BDP1: variants seen among roughly 807,000 people sequenced by gnomAD.
BDP1 encodes the protein BDP1 general transcription factor IIIB subunit.
Under a neutral mutation model 266.6 loss-of-function variants are expected in BDP1, and 169 were observed. That is an observed-to-expected ratio of 0.63 (90% CI 0.56 to 0.72). The LOEUF (loss-of-function observed/expected upper bound fraction) is 0.72. BDP1 is among the 30% of genes least tolerant of loss of function. BDP1 has a pLI of 0.00. For synonymous variants in BDP1, 1,090 were observed against 1,022.4 expected (o/e 1.07, Z -1.26); for missense variants, 3,015 against 3,053.8 (o/e 0.99, Z 0.30).
At chr5:71,508,353 G>C (rs1229301088) in intron 16 of BDP1, among the ~76,000 whole-genome samples, 2 of 152,114 alleles carry the variant, frequency 1.3e-5, no homozygotes, top group African/African-American at 4.8e-5. Flanking sequence ...GCCCAATCTG[G>C]AGTGCAGTGG....
chr5:71,461,928 T>G lies in BDP1; in HGVS notation c.599+2T>G. On this transcript the variant is annotated splice_donor_variant, in intron 3 of 38. Coordinates refer to ENST00000358731, the MANE Select transcript of BDP1 (RefSeq NM_018429.3). LOFTEE classifies it high-confidence loss of function. ...TCTACCAGATAATAATCCAATGACGTAAGTAAAATTTATTTCTGCTTTACT... is the reference window on the plus strand; with the variant it reads ...TCTACCAGATAATAATCCAATGACGGAAGTAAAATTTATTTCTGCTTTACT... The G allele has an allele frequency of 7.6e-7, 1 of 1,318,790 alleles. No homozygotes were observed. Among genetic ancestry groups the G allele is most frequent in the Non-Finnish European group, 1.1e-6 (1 of 928,716 alleles). 81.7% of individuals were successfully genotyped at this position (1,318,790 alleles called of 1,614,324 possible).
At chr5:71,537,176 C>T (rs529398244) in intron 26 of BDP1, among the ~76,000 whole-genome samples, 6 of 118,248 alleles carry the variant, frequency 5.1e-5, no homozygotes, top group Non-Finnish European at 7.4e-5. Context: ...AAAAAAAGAA[C>T]CAGAACCAAA....
At chr5:71,459,835 A>G (rs1015626952) in intron 2 of BDP1, among the ~76,000 whole-genome samples, 2 of 152,344 alleles carry the variant, frequency 1.3e-5, no homozygotes, top group East Asian at 1.9e-4. Flanking sequence ...AAAATGCTCC[A>G]AAGTCTAAAA....
intron 3 of BDP1, 30 bp downstream of exon 3, chr5:71,461,956 CTCTTTTTT>C: frequency 1.4e-6 from 1 of 725,328 alleles, no homozygotes; most frequent in Non-Finnish European, 2.3e-6. Context: ...GCTTTACTAT[CTCTTTTTT>C]TTTTTTTTTT....
intron 22 of BDP1, among the ~76,000 whole-genome samples, chr5:71,521,572 G>T (rs572723994): frequency 6.6e-6 from 1 of 152,220 alleles, no homozygotes; most frequent in East Asian, 1.9e-4. Context: ...GATTACAGGC[G>T]TGAGCCACCG....
At position 71,560,109 on chromosome 5, in the gene BDP1, G is replaced by A. The variant is rs772874190; in HGVS notation, c.7368G>A (p.Met2456Ile). ...GATCTAGATCTCCTGATGCATGCATGGACAAGAATGTGCCTCAGTTACCTC... is the reference window on the plus strand; with the variant it reads ...GATCTAGATCTCCTGATGCATGCATAGACAAGAATGTGCCTCAGTTACCTC... ...SRGSRSPDAC[M>I]DKNVPQLPQD... The change falls in exon 37 of 39, where the codon ATG becomes ATA. Residue 2456 changes from methionine to isoleucine, a missense_variant. Physicochemically the swap from Met to Ile is conservative, Grantham distance 10 (BLOSUM62 1). Transcript: ENST00000358731. 8.7e-5 allele frequency: 141 copies of A among 1,613,972 alleles called. No homozygotes were observed. Among genetic ancestry groups the A allele is most frequent in the Non-Finnish European group, 1.1e-4 (133 of 1,180,018 alleles).
intron 1 of BDP1, 91 bp from the exon 2 acceptor site, chr5:71,458,488 C>A: frequency 4.6e-6 from 4 of 874,466 alleles, no homozygotes; most frequent in Non-Finnish European, 6.7e-6. Context: ...TACGAGATTG[C>A]AGTTTTGGAT....
intron 13 of BDP1, among the ~76,000 whole-genome samples, chr5:71,499,101 T>C (rs919066689): frequency 3.3e-5 from 5 of 151,318 alleles, no homozygotes; most frequent in Admixed American, 3.3e-4. Context: ...CCTTTTTCTT[T>C]TCTTTGTTTT....
At chr5:71,532,743 CA>C (rs1463042146) in intron 26 of BDP1, among the ~76,000 whole-genome samples, 1 of 152,190 alleles carries the variant, frequency 6.6e-6, no homozygotes, top group Non-Finnish European at 1.5e-5. Context: ...TTTGCCTTTG[CA>C]AGCGGAGGCT....
At position 71,549,465 on chromosome 5, in the gene BDP1, C is replaced by T. The variant is rs749446052; in HGVS notation, c.6854C>T (p.Ala2285Val). 1.2e-6 allele frequency: 2 copies of T among 1,613,798 alleles called. No homozygotes were observed. The highest frequency in any genetic ancestry group is 1.7e-5 in the Admixed American group (1 of 59,978). The stretch of plus-strand genomic sequence containing the variant: ...CCTCAAGATGGAGAAGATGAACAAG[C>T]CTTTATTTTAACTCTGGTGGAAATC... Reference protein sequence around the residue: ...NVPQDGEDEQAFILTLVEIPA... With the variant: ...NVPQDGEDEQVFILTLVEIPA... Residue 2285 changes from alanine (A) to valine (V), a missense_variant, in exon 34 of 39, where the codon GCC becomes GTC. Around this residue, in one of 3 missense-constraint regions of BDP1, gnomAD observed 629 missense variants for 632.5 expected, o/e 0.99. Transcript: ENST00000358731.
intron 19 of BDP1, 95 bp from the exon 20 acceptor site, chr5:71,514,849 A>C: frequency 3.6e-6 from 3 of 822,584 alleles, no homozygotes; most frequent in Non-Finnish European, 5.6e-6. Flanking sequence ...CTACCCTATT[A>C]TTCTTCACGA....
chr5:71,496,509 C>T (rs879847868), intron 12 of BDP1, among the ~76,000 whole-genome samples: 7 of 147,640 alleles, frequency 4.7e-5, no homozygotes, highest in Non-Finnish European at 8.9e-5. Context: ...GTGATCATAG[C>T]TCATTGCAAC....
At chr5:71,469,694 A>G (rs1333070670) in intron 6 of BDP1, among the ~76,000 whole-genome samples, 1 of 151,110 alleles carries the variant, frequency 6.6e-6, no homozygotes, top group African/African-American at 2.4e-5. Context: ...GCTCACTGTA[A>G]CCTCCGCCTC....
intron 13 of BDP1, among the ~76,000 whole-genome samples, chr5:71,498,152 G>A (rs917975962): frequency 1.3e-5 from 2 of 151,860 alleles, no homozygotes; most frequent in East Asian, 2.0e-4. Flanking sequence ...GGGTTTCACC[G>A]CGTTAGCCAG....
chr5:71,479,348 G>C (rs181331764), intron 7 of BDP1, among the ~76,000 whole-genome samples: 2 of 151,342 alleles, frequency 1.3e-5, no homozygotes, highest in Non-Finnish European at 3.0e-5. Context: ...GCCTCCTCCT[G>C]GTTATTTTTT....
intron 34 of BDP1, among the ~76,000 whole-genome samples, chr5:71,551,253 C>CCTGCGGCCTTCCG (rs1742728369): frequency 6.6e-6 from 1 of 152,072 alleles, no homozygotes; most frequent in South Asian, 2.1e-4. Context: ...GGCAGAGGAC[C>CCTGCGGCCTTCCG]CTGCGGCCTT....
At chr5:71,547,337 T>A (rs1742406719) in intron 32 of BDP1, among the ~76,000 whole-genome samples, 1 of 152,180 alleles carries the variant, frequency 6.6e-6, no homozygotes, top group African/African-American at 2.4e-5. Context: ...TTCTTTTTTT[T>A]AATTGCTTCC....
chr5:71,550,997 C>T lies in BDP1; in HGVS notation c.6995+1391C>T, dbSNP rs60977492. Among the ~76,000 whole-genome samples, 1,443 of 152,166 alleles carry T rather than the reference C, an allele frequency of 9.5e-3. 27 individuals carry two copies. Among genetic ancestry groups the T allele is most frequent in the African/African-American group, 0.033 (1,358 of 41,508 alleles). ...TTGGGATTACAGACGTGAGCCACTG[C>T]GCCTGGACTAGAAGGGACATTTTAG... On this transcript the variant is annotated intron_variant, in intron 34 of 38. Coordinates refer to ENST00000358731, the MANE Select transcript of BDP1 (RefSeq NM_018429.3).
At chr5:71,573,578 C>T in the BDP1 span, among the ~76,000 whole-genome samples, 14 of 152,310 alleles carry the variant, frequency 9.2e-5, no homozygotes, top group Admixed American at 6.5e-4. Flanking sequence ...TGGTGCTATG[C>T]GTCTTTTACC....
Sources: allele counts gnomAD v4.1 joint callset (sites outside exome capture counted in the v4.1 genomes callset), GRCh38; gene constraint gnomAD v4.1.1; regional missense constraint gnomAD v4.1.1; transcripts MANE v1.5; gene names NCBI Gene and HGNC (gene_info 2026-07-23, HGNC 2026-07-21).